USP9X: variants seen among roughly 807,000 people sequenced by gnomAD.
USP9X encodes the protein ubiquitin carboxyl-terminal hydrolase 9X.
In USP9X, 7 loss-of-function variants were observed where a neutral mutation model predicts 190.3. The ratio of observed to expected loss-of-function variants is 0.04; its 90% confidence interval spans 0.02 to 0.07. The LOEUF (loss-of-function observed/expected upper bound fraction) is 0.07, where lower values mean the gene tolerates loss of function less well. USP9X is among the 10% of genes least tolerant of loss of function. The probability of loss-of-function intolerance (pLI) is 1.00; values close to 1 mark genes in which losing one functional copy is unlikely to be tolerated. For synonymous variants in USP9X, 645 were observed against 659.5 expected (o/e 0.98, Z 0.34); for missense variants, 1,010 against 1,916.9 (o/e 0.53, Z 8.83).
chrX:41,214,155 C>T (rs1421231486), intron 33 of USP9X, among the ~76,000 whole-genome samples: 2 of 112,094 alleles, frequency 1.8e-5, no homozygotes, highest in Admixed American at 9.5e-5. Flanking sequence ...TTAGCTTATT[C>T]GTAGTTTATC....
chrX:41,131,582 G>A (rs2062318164), intron 4 of USP9X, 46 bp downstream of exon 4: 1 of 1,096,837 alleles, frequency 9.1e-7, no homozygotes, highest in Non-Finnish European at 1.2e-6. Context: ...GCTACTAGAT[G>A]TATTTTTACT....
At chrX:41,170,444 A>G in intron 19 of USP9X, 26 bp from the exon 20 acceptor site, 1 of 1,195,245 alleles carries the variant, frequency 8.4e-7, no homozygotes, top group Non-Finnish European at 1.1e-6. Context: ...CTTGTTTTTG[A>G]TATTAACATA....
chrX:41,197,331 TCCCCCCCCCA>T, intron 28 of USP9X, 23 bp from the exon 29 acceptor site: 3 of 486,740 alleles, frequency 6.2e-6, no homozygotes, highest in Non-Finnish European at 8.8e-6. Flanking sequence ...TTTGATTTCT[TCCCCCCCCCA>T]CCCCACCCCC....
At chrX:41,139,164 AT>A (rs2062400442) in intron 6 of USP9X, among the ~76,000 whole-genome samples, 2 of 112,646 alleles carry the variant, frequency 1.8e-5, no homozygotes. Flanking sequence ...TACTGAAGAA[AT>A]AAAATATATT....
At chrX:41,105,202 T>G (rs1150527) in intron 1 of USP9X, among the ~76,000 whole-genome samples, 2,987 of 111,339 alleles carry the variant, frequency 0.027, 53 homozygotes, top group Non-Finnish European at 0.045. Context: ...GTGGCCTGAC[T>G]AAGCCAAGAA....
intron 38 of USP9X, among the ~76,000 whole-genome samples, chrX:41,221,002 G>A (rs760458450): frequency 1.9e-5 from 2 of 107,041 alleles, no homozygotes; most frequent in South Asian, 8.2e-4. Context: ...GGTGGCTCAC[G>A]TCTGTAATCC....
chrX:41,159,538 CTTTTTTTT>C (rs957556890), intron 14 of USP9X, among the ~76,000 whole-genome samples: 2 of 99,957 alleles, frequency 2.0e-5, no homozygotes, highest in Non-Finnish European at 4.1e-5. Context: ...TTTTTTTTTT[CTTTTTTTT>C]TGAGATGAAG....
chrX:41,146,922 C>T (rs1171870207), intron 11 of USP9X, among the ~76,000 whole-genome samples: 1 of 109,874 alleles, frequency 9.1e-6, no homozygotes, highest in Non-Finnish European at 1.9e-5. Context: ...AAAAAATTCA[C>T]GATACCATTA....
At chrX:41,169,707 C>T (rs763039060) in intron 18 of USP9X, among the ~76,000 whole-genome samples, 119 of 110,980 alleles carry the variant, frequency 1.1e-3, no homozygotes, top group African/African-American at 3.8e-3. Context: ...CCACCCGCCT[C>T]GGCCTCCCAA....
chrX:41,128,043 T>C (rs1376790219), intron 2 of USP9X, among the ~76,000 whole-genome samples: 1 of 111,718 alleles, frequency 9.0e-6, no homozygotes, highest in Non-Finnish European at 1.9e-5. Context: ...GAGAAAGACA[T>C]GCTAAAAATG....
chrX:41,219,985 C>T (rs759018217), intron 38 of USP9X, among the ~76,000 whole-genome samples: 161 of 111,499 alleles, frequency 1.4e-3, no homozygotes, highest in Non-Finnish European at 2.4e-3. Flanking sequence ...ACCCTGTCTC[C>T]AAAAAGCAAA....
Position 41,201,113 on chromosome X carries a change from C to T in USP9X, c.4657C>T (p.Pro1553Ser), listed in dbSNP as rs375616476. Residue 1553 changes from proline (P) to serine (S), a missense_variant, in exon 31 of 45, where the codon CCC becomes TCC. Transcript: ENST00000378308. Reference sequence around the variant, plus strand: ...TCTGCCACCTGTTGGACCCCGCCCACCCAAAGGATTCGTGGGGCTGAAAAA... The same window carrying T: ...TCTGCCACCTGTTGGACCCCGCCCATCCAAAGGATTCGTGGGGCTGAAAAA... ...EYLPPVGPRP[P>S]KGFVGLKNAG... is the part of the protein sequence containing the mutation. 1 of 1,211,700 alleles carries T rather than the reference C, an allele frequency of 8.3e-7. No homozygotes were observed. Among genetic ancestry groups the T allele is most frequent in the Admixed American group, 2.2e-5 (1 of 46,010 alleles).
In USP9X at chrX:41,160,014, G is replaced by GT. The variant is rs757457702; in HGVS notation, c.1898-2766dup. ...ATTTTATGGTACTTTATGACTCGAT[G>GT]TTTTTTTTTTAAATGAACTTTTAAA... On this transcript the variant is annotated intron_variant, in intron 14 of 44. Transcript: ENST00000378308. Among the ~76,000 whole-genome samples, 558 of 100,502 alleles carry GT rather than the reference G, an allele frequency of 5.6e-3. 3 individuals are homozygous for GT. Among genetic ancestry groups the GT allele is most frequent in the South Asian group, 0.011 (25 of 2,237 alleles). 87.3% of individuals were successfully genotyped at this position (100,502 alleles called of 115,157 possible).
At chrX:41,102,246 A>G (rs918381544) in intron 1 of USP9X, among the ~76,000 whole-genome samples, 1 of 111,979 alleles carries the variant, frequency 8.9e-6, no homozygotes, top group East Asian at 2.7e-4. Flanking sequence ...GTACTTTTTC[A>G]GATTCTTTAC....
chrX:41,230,441 AGT>A, intron 43 of USP9X, 58 bp from the exon 44 acceptor site: 1 of 1,068,620 alleles, frequency 9.4e-7, no homozygotes, highest in Non-Finnish European at 1.3e-6. Context: ...AAATAGAAAA[AGT>A]TAAAAGTAAA....
intron 24 of USP9X, among the ~76,000 whole-genome samples, chrX:41,187,108 C>T (rs1474441453): frequency 9.0e-6 from 1 of 111,716 alleles, no homozygotes; most frequent in Non-Finnish European, 1.9e-5. Flanking sequence ...GCTGGGATTA[C>T]AGGCATGAGC....
At chrX:41,095,670 G>A (rs1231209233) in intron 1 of USP9X, among the ~76,000 whole-genome samples, 1 of 112,082 alleles carries the variant, frequency 8.9e-6, no homozygotes, top group East Asian at 2.8e-4. Flanking sequence ...TTTGAGTGAA[G>A]CTAAAATCAC....
intron 13 of USP9X, 97 bp downstream of exon 13, chrX:41,151,154 T>G: frequency 2.3e-6 from 2 of 872,132 alleles, no homozygotes; most frequent in Non-Finnish European, 3.1e-6. Context: ...ATTTTTAAAT[T>G]AGTGGAGTGA....
intron 1 of USP9X, among the ~76,000 whole-genome samples, chrX:41,115,005 G>A (rs1169971015): frequency 2.8e-5 from 3 of 108,140 alleles, no homozygotes; most frequent in African/African-American, 1.0e-4. Flanking sequence ...GGTGGATCAC[G>A]AGGTCAGGAG....
Sources: allele counts gnomAD v4.1 joint callset (sites outside exome capture counted in the v4.1 genomes callset), GRCh38; gene constraint gnomAD v4.1.1; transcripts MANE v1.5; gene names NCBI Gene and HGNC (gene_info 2026-07-23, HGNC 2026-07-21).